The following CSNK1D variants were observed in gnomAD, a reference collection of about 807,000 sequenced individuals.
CSNK1D encodes the protein casein kinase I isoform delta.
CSNK1D carries 16 observed loss-of-function variants against 46.6 expected under a neutral mutation model. The observed-to-expected ratio is 0.34, with a 90% CI of 0.23 to 0.52. CSNK1D has a LOEUF of 0.52. Among genes scored for constraint, CSNK1D ranks in the 20% least tolerant of loss-of-function variants. CSNK1D has a pLI of 0.95. For missense variants in CSNK1D, 398 were observed against 578.4 expected, an observed-to-expected ratio of 0.69 and a Z score of 3.20; for synonymous variants, 276 against 228.2, an observed-to-expected ratio of 1.21 and a Z score of -1.89.
At chr17:82,258,163 C>T (rs191690765) in intron 2 of CSNK1D, among the ~76,000 whole-genome samples, 35 of 145,748 alleles carry the variant, frequency 2.4e-4, no homozygotes, top group Non-Finnish European at 2.7e-4. Context: ...GCCGTGATTG[C>T]ACCACTGCAC....
Position 82,243,497 on chromosome 17 carries a change from G to A in CSNK1D, c.*1284C>T. Reference sequence around the variant, plus strand: ...CAGCACCAGCTCACGGAGGCCACCTGCCTTCTGGTGGGACTCGGCCCCACG... The same window carrying A: ...CAGCACCAGCTCACGGAGGCCACCTACCTTCTGGTGGGACTCGGCCCCACG... On this transcript the variant is annotated 3_prime_UTR_variant, in exon 9 of 9. Coordinates refer to ENST00000314028, the MANE Select transcript of CSNK1D (RefSeq NM_001893.6). 1.0e-6 allele frequency: 1 copy of A among 985,536 alleles called. No homozygotes were observed. The highest frequency in any genetic ancestry group is 1.7e-5 in the African/African-American group (1 of 57,374). The allele number at this position is 985,536 out of a possible 1,614,324, so 61.0% of individuals were successfully genotyped here.
chr17:82,239,792 T>G, downstream of CSNK1D: 1 of 398,432 alleles, frequency 2.5e-6, no homozygotes, highest in Non-Finnish European at 4.4e-6. Flanking sequence ...CTTCCCTTTT[T>G]CGCCCCTCTG....
At chr17:82,261,743 G>A (rs2051346738) in intron 2 of CSNK1D, among the ~76,000 whole-genome samples, 2 of 152,202 alleles carry the variant, frequency 1.3e-5, no homozygotes, top group African/African-American at 4.8e-5. Context: ...GGTCCTGGTT[G>A]TTGATTTTAA....
At chr17:82,253,398 C>CA (rs2051064103) in intron 3 of CSNK1D, 154 bp from the exon 4 acceptor site, 2 of 713,832 alleles carry the variant, frequency 2.8e-6, no homozygotes, top group Middle Eastern at 2.5e-4. Flanking sequence ...CCGAACTGAC[C>CA]AAATTGTTCC....
chr17:82,250,054 G>A lies in CSNK1D; in HGVS notation c.886-452C>T, dbSNP rs1403598434. 3.9e-6 allele frequency: 5 copies of A among 1,279,664 alleles called. No homozygotes were observed. The highest frequency in any genetic ancestry group is 1.3e-5 in the South Asian group (1 of 79,894). 79.3% of individuals were successfully genotyped at this position (1,279,664 alleles called of 1,614,324 possible). On this transcript the variant is annotated intron_variant, in intron 6 of 8. Transcript: ENST00000314028. The surrounding 1 kb of genome is among the most constrained non-coding windows in gnomAD (Gnocchi z 4.6). ...CGGACGAGGAGTACACTCAGGGTCC[G>A]GACCCTGCAGCCTCCAACAGCCTGT...
chr17:82,247,288 T>C (rs2147155954), intron 8 of CSNK1D: 2 of 985,406 alleles, frequency 2.0e-6, no homozygotes, highest in Non-Finnish European at 2.4e-6. Context: ...CACGGCCACC[T>C]TGGGGGCTGG....
intron 8 of CSNK1D, chr17:82,245,553 C>A (rs2050829683): frequency 3.7e-6 from 1 of 270,236 alleles, no homozygotes; most frequent in South Asian, 3.9e-5. Context: ...GAGCCCCCAA[C>A]ACCAAGCGTG....
Position 82,249,413 on chromosome 17 carries a change from T to A in CSNK1D, c.1057+18A>T. On this transcript the variant is annotated intron_variant, in intron 7 of 8. Coordinates refer to ENST00000314028, the MANE Select transcript of CSNK1D (RefSeq NM_001893.6). The surrounding 1 kb of genome is among the most constrained non-coding windows in gnomAD (Gnocchi z 6.7). Reference sequence around the variant, plus strand: ...CACCCCAGAGCCAGCCCCAGAGCGCTGGGAGGGGGGCACTCACCCGTGTGT... The same window carrying A: ...CACCCCAGAGCCAGCCCCAGAGCGCAGGGAGGGGGGCACTCACCCGTGTGT... 6.5e-7 allele frequency: 1 copy of A among 1,533,626 alleles called. No homozygotes were observed. Among genetic ancestry groups the A allele is most frequent in the Non-Finnish European group, 8.7e-7 (1 of 1,144,838 alleles).
At chr17:82,266,227 C>G (rs2051464745) in intron 1 of CSNK1D, among the ~76,000 whole-genome samples, 1 of 152,200 alleles carries the variant, frequency 6.6e-6, no homozygotes, top group South Asian at 2.1e-4. Context: ...TTGAGTTTCC[C>G]CCTGAGGAAG....
Position 82,249,046 on chromosome 17 carries a change from C to T in CSNK1D, c.1058-32G>A, listed in dbSNP as rs1386326978. The T allele has an allele frequency of 5.8e-6, 9 of 1,546,576 alleles. No individual in the cohort carries two copies. The highest frequency in any genetic ancestry group is 2.0e-5 in the Admixed American group (1 of 50,984). On this transcript the variant is annotated intron_variant, in intron 7 of 8. Coordinates refer to ENST00000314028, the MANE Select transcript of CSNK1D (RefSeq NM_001893.6). This position sits in a 1 kb window ranked among gnomAD's most constrained non-coding sequence, Gnocchi z 6.7. ...ACAGGGAGAGAAACGGAGTGGGCCG[C>T]CCCCGTCTGCTGCCTCTCACTCGGG... is the stretch of plus-strand genomic sequence containing the variant.
At chr17:82,253,781 T>C (rs2051077937) in intron 3 of CSNK1D, 3 of 303,630 alleles carry the variant, frequency 9.9e-6, no homozygotes, top group South Asian at 5.2e-5. Flanking sequence ...CGCCGGAGCC[T>C]CGAGAAGCCA....
chr17:82,268,080 C>A (rs2051524285), intron 1 of CSNK1D, among the ~76,000 whole-genome samples: 1 of 152,250 alleles, frequency 6.6e-6, no homozygotes, highest in Non-Finnish European at 1.5e-5. Flanking sequence ...AGCCAGCCCT[C>A]CTGTGGAACC....
In CSNK1D at chr17:82,251,281, A is replaced by G; in HGVS notation, c.885+98T>C. On this transcript the variant is annotated intron_variant, in intron 6 of 8. Transcript: ENST00000314028. This position sits in a 1 kb window ranked among gnomAD's most constrained non-coding sequence, Gnocchi z 4.5. Reference sequence around the variant, plus strand: ...CCCTTCACAACCAGAGACACTCCCTATATGGTACAGCCCCTCAACAAGACG... The same window carrying G: ...CCCTTCACAACCAGAGACACTCCCTGTATGGTACAGCCCCTCAACAAGACG... 1.4e-6 allele frequency: 2 copies of G among 1,416,058 alleles called. No homozygotes were observed. The highest frequency in any genetic ancestry group is 1.2e-5 in the South Asian group (1 of 84,438). The allele number at this position is 1,416,058 out of a possible 1,614,324, so 87.7% of individuals were successfully genotyped here.
chr17:82,269,994 C>T (rs1466624947), intron 1 of CSNK1D, among the ~76,000 whole-genome samples: 3 of 152,234 alleles, frequency 2.0e-5, no homozygotes, highest in East Asian at 1.9e-4. Flanking sequence ...ATGCGGAGGG[C>T]GGCACAGGGC....
chr17:82,244,085 AGGAG>A lies in CSNK1D; in HGVS notation c.*692_*695del, dbSNP rs2050790476. 1 of 990,058 alleles carries A rather than the reference AGGAG, an allele frequency of 1.0e-6. No homozygotes were observed. Among genetic ancestry groups the A allele is most frequent in the Non-Finnish European group, 1.2e-6 (1 of 832,568 alleles). 61.3% of individuals were successfully genotyped at this position (990,058 alleles called of 1,614,324 possible). A position where few individuals can be genotyped will look rare whatever the true frequency, so the allele number is the denominator to read the frequency against. On this transcript the variant is annotated 3_prime_UTR_variant, in exon 9 of 9. Coordinates refer to ENST00000314028, the MANE Select transcript of CSNK1D (RefSeq NM_001893.6). Reference sequence around the variant, plus strand: ...TGACAGCAGGCATGTCAATTACGGGAGGAGGGAGGGTGAGACGCCAAAATCAGGT... The same window carrying A: ...TGACAGCAGGCATGTCAATTACGGGAGGAGGGTGAGACGCCAAAATCAGGT...
At chr17:82,253,578 G>A (rs1254524457) in intron 3 of CSNK1D, 1 of 377,766 alleles carries the variant, frequency 2.6e-6, no homozygotes, top group Non-Finnish European at 5.1e-6. Context: ...AGGATTAGCA[G>A]AGAAACTGCA....
In CSNK1D at chr17:82,273,263, G is replaced by A. The variant is rs767148181; in HGVS notation, c.76+43C>T. ...TCGCGCTTGGTCTTGGCAGCCGCAG[G>A]GCCCGGGTCTTCGGGCGGCGGGCGG... On this transcript the variant is annotated intron_variant, in intron 1 of 8. Transcript: ENST00000314028. The surrounding 1 kb of genome is among the most constrained non-coding windows in gnomAD (Gnocchi z 5.1). 8.3e-6 allele frequency: 13 copies of A among 1,573,204 alleles called. No homozygotes were observed. Among genetic ancestry groups the A allele is most frequent in the South Asian group, 1.1e-5 (1 of 88,510 alleles).
rs546740896 is a variant in CSNK1D, at chr17:82,255,857, G to A, written c.188-280C>T. Among the ~76,000 whole-genome samples, 44 of 152,328 alleles carry A rather than the reference G, an allele frequency of 2.9e-4. No homozygotes were observed. Among genetic ancestry groups the A allele is most frequent in the South Asian group, 8.3e-4 (4 of 4,828 alleles). On this transcript the variant is annotated intron_variant, in intron 2 of 8. Transcript: ENST00000314028. This position sits in a 1 kb window ranked among gnomAD's most constrained non-coding sequence, Gnocchi z 5.9. ...TCGAAGCCCCACCTCCCCGACTCCC[G>A]TCTTCTAGGGCAGGGGGGCAGGAGA... is the stretch of plus-strand genomic sequence containing the variant.
intron 2 of CSNK1D, among the ~76,000 whole-genome samples, chr17:82,260,501 T>C (rs1468054579): frequency 1.4e-5 from 2 of 145,076 alleles, no homozygotes; most frequent in East Asian, 3.9e-4. Context: ...CTGACTGATG[T>C]GACTGATGGT....
Sources: allele counts gnomAD v4.1 joint callset (sites outside exome capture counted in the v4.1 genomes callset), GRCh38; gene constraint gnomAD v4.1.1; non-coding constraint Gnocchi (gnomAD v3.1); transcripts MANE v1.5; gene names NCBI Gene and HGNC (gene_info 2026-07-23, HGNC 2026-07-21).